The following SNTG1 variants were observed in gnomAD, a reference collection of about 807,000 sequenced individuals.
SNTG1 encodes syntrophin gamma 1.
In SNTG1, 39 loss-of-function variants were observed where a neutral mutation model predicts 74.7. The observed-to-expected ratio is 0.52, with a 90% CI of 0.40 to 0.68. The LOEUF (loss-of-function observed/expected upper bound fraction) is 0.68. Ranked by LOEUF, SNTG1 falls within the 30% of genes least tolerant of loss-of-function variation. SNTG1 has a pLI of 0.00. For synonymous variants in SNTG1, 254 were observed against 217.1 expected (o/e 1.17, Z -1.49); for missense variants, 685 against 609.5 (o/e 1.12, Z -1.30).
At chr8:50,375,431 T>C (rs2092358201) in intron 2 of SNTG1, among the ~76,000 whole-genome samples, 1 of 151,708 alleles carries the variant, frequency 6.6e-6, no homozygotes. Flanking sequence ...GAAGAGACAG[T>C]GATTCAGAAG....
chr8:50,229,981 C>T (rs2085533619), intron 2 of SNTG1, among the ~76,000 whole-genome samples: 2 of 151,592 alleles, frequency 1.3e-5, no homozygotes, highest in South Asian at 2.1e-4. Context: ...TTCTAAATAA[C>T]ACATAAGCCA....
chr8:50,576,480 A>T (rs776147988), intron 12 of SNTG1, among the ~76,000 whole-genome samples: 1 of 152,148 alleles, frequency 6.6e-6, no homozygotes, highest in Admixed American at 6.6e-5. Context: ...ATTTTTGGAT[A>T]GATTTTTTAT....
intron 9 of SNTG1, among the ~76,000 whole-genome samples, chr8:50,526,914 G>T (rs35420171): frequency 6.6e-6 from 1 of 151,936 alleles, no homozygotes; most frequent in African/African-American, 2.4e-5. Flanking sequence ...GAGGCACCGC[G>T]CCCGGCCCGA....
At chr8:50,468,301 C>T (rs554426984) in intron 8 of SNTG1, among the ~76,000 whole-genome samples, 1 of 151,990 alleles carries the variant, frequency 6.6e-6, no homozygotes, top group Non-Finnish European at 1.5e-5. Context: ...CATATAATAA[C>T]ATGCTGTTGT....
chr8:50,344,631 C>A (rs1186664798), intron 2 of SNTG1, among the ~76,000 whole-genome samples: 1 of 152,210 alleles, frequency 6.6e-6, no homozygotes, highest in African/African-American at 2.4e-5. Flanking sequence ...CCACTTGCAA[C>A]ACTCACTCAT....
chr8:50,234,639 T>A (rs2085798567), intron 2 of SNTG1, among the ~76,000 whole-genome samples: 1 of 152,054 alleles, frequency 6.6e-6, no homozygotes. Context: ...AAACTCCCTG[T>A]GAATGTATAA....
intron 4 of SNTG1, among the ~76,000 whole-genome samples, chr8:50,421,916 G>A (rs2131462483): frequency 6.6e-6 from 1 of 152,234 alleles, no homozygotes; most frequent in Non-Finnish European, 1.5e-5. Flanking sequence ...TCCAAAAACA[G>A]GTTTTAATGG....
At chr8:50,035,466 G>C (rs368217925) in intron 1 of SNTG1, among the ~76,000 whole-genome samples, 2 of 152,274 alleles carry the variant, frequency 1.3e-5, no homozygotes, top group African/African-American at 4.8e-5. Context: ...TTTTCTGGGT[G>C]TACATTTTTT....
chr8:50,417,129 G>A (rs1040564366), intron 4 of SNTG1, among the ~76,000 whole-genome samples: 2 of 152,126 alleles, frequency 1.3e-5, no homozygotes, highest in African/African-American at 4.8e-5. Context: ...TCAAAGATAT[G>A]TATAACTTCA....
intron 1 of SNTG1, among the ~76,000 whole-genome samples, chr8:50,050,306 G>A (rs1819457938): frequency 6.6e-6 from 1 of 151,770 alleles, no homozygotes; most frequent in African/African-American, 2.4e-5. Flanking sequence ...GAGTAGTAAG[G>A]GAATATTATG....
intron 1 of SNTG1, among the ~76,000 whole-genome samples, chr8:49,998,748 T>C (rs1814474631): frequency 6.6e-6 from 1 of 152,114 alleles, no homozygotes; most frequent in Non-Finnish European, 1.5e-5. Context: ...CCTGTGATAA[T>C]GATGCCTTCA....
chr8:50,026,557 C>A (rs540447067), intron 1 of SNTG1, among the ~76,000 whole-genome samples: 4 of 152,004 alleles, frequency 2.6e-5, no homozygotes, highest in Non-Finnish European at 5.9e-5. Flanking sequence ...AAATGTTGCA[C>A]GAGAGACATT....
At chr8:50,003,101 T>C (rs190955127) in intron 1 of SNTG1, among the ~76,000 whole-genome samples, 4 of 152,246 alleles carry the variant, frequency 2.6e-5, no homozygotes. Context: ...TAAGAGATAA[T>C]AGGCAGTCAT....
intron 18 of SNTG1, among the ~76,000 whole-genome samples, chr8:50,779,532 G>A (rs1478220957): frequency 6.6e-6 from 1 of 152,102 alleles, no homozygotes; most frequent in Non-Finnish European, 1.5e-5. Flanking sequence ...AAGAATGCTT[G>A]TGATTTTTGT....
chr8:50,704,033 G>C (rs987366006), intron 15 of SNTG1, among the ~76,000 whole-genome samples: 3 of 151,988 alleles, frequency 2.0e-5, no homozygotes, highest in African/African-American at 7.3e-5. Flanking sequence ...AAAACTTCTG[G>C]TAAGACCAAG....
At chr8:50,172,041 G>A (rs766120462) in intron 1 of SNTG1, among the ~76,000 whole-genome samples, 1 of 152,126 alleles carries the variant, frequency 6.6e-6, no homozygotes, top group Non-Finnish European at 1.5e-5. Context: ...TCTAAAATTA[G>A]CAATCTGTTG....
chr8:50,561,025 G>A (rs543570901), intron 12 of SNTG1, among the ~76,000 whole-genome samples: 1 of 152,196 alleles, frequency 6.6e-6, no homozygotes, highest in East Asian at 1.9e-4. Flanking sequence ...TGAATGATTT[G>A]GTTTGTTCTG....
chr8:50,672,403 TG>T (rs1240492278), intron 15 of SNTG1, among the ~76,000 whole-genome samples: 1 of 152,112 alleles, frequency 6.6e-6, no homozygotes, highest in Non-Finnish European at 1.5e-5. Context: ...GGTATCTCAT[TG>T]TGGTTAGATT....
intron 8 of SNTG1, among the ~76,000 whole-genome samples, chr8:50,484,102 CTCTT>C (rs775691106): frequency 0.1 from 11,490 of 109,596 alleles, 1,172 homozygotes; most frequent in African/African-American, 0.17. Context: ...CTTTCTTTCT[CTCTT>C]TCTTTCTTTC....
Sources: gnomAD v4.1 joint callset for allele counts (sites outside exome capture counted in the v4.1 genomes callset) on GRCh38, gnomAD v4.1.1 for gene constraint, MANE v1.5 for transcripts, NCBI Gene and HGNC (gene_info 2026-07-23, HGNC 2026-07-21) for gene names.